Variants in ZNF341 observed in about 807,000 individuals in gnomAD.
ZNF341 encodes zinc finger protein 341.
Under a neutral mutation model 87.7 loss-of-function variants are expected in ZNF341, and 52 were observed. The observed-to-expected ratio is 0.59, with a 90% CI of 0.47 to 0.75. ZNF341 has a LOEUF of 0.75. Ranked by LOEUF, ZNF341 falls within the 30% of genes least tolerant of loss-of-function variation. ZNF341 has a pLI of 0.00. For synonymous variants in ZNF341, 459 were observed against 472.7 expected (o/e 0.97, Z 0.38); for missense variants, 977 against 1,145.9 (o/e 0.85, Z 2.13).
At chr20:33,755,099 C>G (rs781015016) in intron 5 of ZNF341, among the ~76,000 whole-genome samples, 1 of 152,066 alleles carries the variant, frequency 6.6e-6, no homozygotes, top group East Asian at 1.9e-4. Flanking sequence ...TGAGCTACCA[C>G]GCCCAACTAA....
At chr20:33,760,540 A>T (rs183684272) in intron 7 of ZNF341, among the ~76,000 whole-genome samples, 10 of 151,906 alleles carry the variant, frequency 6.6e-5, no homozygotes, top group Non-Finnish European at 8.8e-5. Flanking sequence ...ATTTTAATGA[A>T]TTTAATTTTT....
intron 14 of ZNF341, 79 bp downstream of exon 14, chr20:33,789,667 G>A (rs2019956238): frequency 2.0e-6 from 3 of 1,486,022 alleles, no homozygotes; most frequent in African/African-American, 1.4e-5. Flanking sequence ...AAGAGAAAGA[G>A]CAGACATATC....
rs1026953389 is a variant in ZNF341 at position 33,758,755 on chromosome 20, A to G, written c.977A>G (p.Tyr326Cys). Residue 326 changes from tyrosine (Y) to cysteine (C), a missense_variant, in exon 7 of 15, where the codon TAC becomes TGC. Tyr to Cys is a radical substitution (Grantham distance 194, BLOSUM62 -2). This residue lies in a region of ZNF341 where 515 missense variants were observed against 598.2 expected (regional missense o/e 0.86). Transcript: ENST00000375200. Reference sequence around the variant, plus strand: ...AAGGCTCAGAAACTCAAGTGCTCATACTGTGACAAGTCATTCACCAAAAAC... The same window carrying G: ...AAGGCTCAGAAACTCAAGTGCTCATGCTGTGACAAGTCATTCACCAAAAAC... ...KPKAQKLKCS[Y>C]CDKSFTKNFD... 7 of 1,613,864 alleles carry G rather than the reference A, an allele frequency of 4.3e-6. No homozygotes were observed. The Admixed American group carries it at 1.2e-4, about 27-fold the overall frequency.
intron 8 of ZNF341, among the ~76,000 whole-genome samples, chr20:33,764,216 A>G (rs1221500961): frequency 6.7e-6 from 1 of 148,594 alleles, no homozygotes; most frequent in Non-Finnish European, 1.5e-5. Context: ...TTAGTAGAGA[A>G]CGGTGTTTCA....
intron 6 of ZNF341, among the ~76,000 whole-genome samples, chr20:33,758,151 G>A (rs1285663026): frequency 6.6e-6 from 1 of 152,124 alleles, no homozygotes; most frequent in Non-Finnish European, 1.5e-5. Flanking sequence ...GACAGACAGG[G>A]AATAAATAAA....
At chr20:33,739,260 G>A (rs764211046) in intron 1 of ZNF341, among the ~76,000 whole-genome samples, 2 of 152,210 alleles carry the variant, frequency 1.3e-5, no homozygotes, top group Admixed American at 6.5e-5. Flanking sequence ...GAGCCACCAT[G>A]CCCGGCCAGA....
chr20:33,753,873 G>T (rs1283656906), intron 5 of ZNF341, among the ~76,000 whole-genome samples: 1 of 152,180 alleles, frequency 6.6e-6, no homozygotes, highest in Non-Finnish European at 1.5e-5. Context: ...TTATTCACGT[G>T]TTTACAGTGG....
chr20:33,761,723 G>A, intron 7 of ZNF341, 139 bp from the exon 8 acceptor site: 2 of 672,082 alleles, frequency 3.0e-6, no homozygotes, highest in Non-Finnish European at 4.6e-6. Context: ...CTCAGCGAAG[G>A]GGCTTGTCGC....
chr20:33,758,644 G>T, intron 6 of ZNF341, 72 bp from the exon 7 acceptor site: 1 of 1,237,934 alleles, frequency 8.1e-7, no homozygotes, highest in Non-Finnish European at 1.2e-6. Flanking sequence ...AGATACAGTA[G>T]TCAGAGGCTG....
intron 10 of ZNF341, among the ~76,000 whole-genome samples, chr20:33,777,278 G>A (rs1180168343): frequency 1.5e-5 from 2 of 129,948 alleles, no homozygotes; most frequent in Admixed American, 9.2e-5. Flanking sequence ...AGCTGAGATC[G>A]CACCACTGCA....
intron 1 of ZNF341, among the ~76,000 whole-genome samples, chr20:33,735,280 C>G (rs1439443503): frequency 6.6e-6 from 1 of 152,196 alleles, no homozygotes; most frequent in South Asian, 2.1e-4. Flanking sequence ...ATCTGCCCGC[C>G]TTGGCCTCCA....
At position 33,750,083 on chromosome 20, in the gene ZNF341, T is replaced by C. The variant is rs1035411705; in HGVS notation, c.489+1011T>C. ...ATTCTTAACAAGTGTCCCATGTCTA[T>C]TAGAAAAATAGAAAATGCACAGTAG... On this transcript the variant is annotated intron_variant, in intron 4 of 14. Transcript: ENST00000375200. Among the ~76,000 whole-genome samples the C allele has an allele frequency of 1.4e-4, 22 of 152,246 alleles. No individual in the cohort carries two copies. In the Middle Eastern group the frequency reaches 0.014, roughly 94 times the overall value.
At chr20:33,747,627 AAAAAAAAAAAAAAAAC>A (rs1307874942) in intron 3 of ZNF341, among the ~76,000 whole-genome samples, 4 of 132,770 alleles carry the variant, frequency 3.0e-5, no homozygotes, top group Non-Finnish European at 6.0e-5. Flanking sequence ...AAAAAAAAAA[AAAAAAAAAAAAAAAAC>A]ACAGTCATTT....
At chr20:33,733,107 C>T (rs2018609851) in intron 1 of ZNF341, among the ~76,000 whole-genome samples, 1 of 151,080 alleles carries the variant, frequency 6.6e-6, no homozygotes, top group Non-Finnish European at 1.5e-5. Context: ...AGTGCAGTGG[C>T]GCGATCTCGG....
At chr20:33,735,827 C>T (rs2018670827) in intron 1 of ZNF341, among the ~76,000 whole-genome samples, 1 of 152,004 alleles carries the variant, frequency 6.6e-6, no homozygotes, top group South Asian at 2.1e-4. Context: ...CACCCTAAAT[C>T]CTCCCCTTCT....
rs150279236 is a variant in ZNF341, at chr20:33,757,243, C to T, written c.837C>T (p.Ala279=). 304 of 1,605,646 alleles carry T rather than the reference C, an allele frequency of 1.9e-4. 1 individual carries two copies. In the African/African-American group the frequency reaches 3.7e-3, roughly 19 times the overall value. ...TCAAACCCAAAGGACCAAACCCCGC[C>T]GCCCCCATGACCAGCGCCACCGGGG... The part of the protein sequence containing the change: ...QGFKPKGPNP[A]APMTSATGGT... The change falls in exon 6 of 15, where the codon GCC becomes GCT. Residue 279 remains alanine (A), a synonymous_variant. Transcript: ENST00000375200.
chr20:33,778,709 TC>T (rs1157827024), intron 10 of ZNF341, among the ~76,000 whole-genome samples: 1 of 152,228 alleles, frequency 6.6e-6, no homozygotes, highest in Non-Finnish European at 1.5e-5. Context: ...GCCTGGGGTT[TC>T]CCACAGGCAG....
At chr20:33,790,449 A>G (rs1310543136) in intron 14 of ZNF341, among the ~76,000 whole-genome samples, 1 of 152,098 alleles carries the variant, frequency 6.6e-6, no homozygotes, top group East Asian at 1.9e-4. Context: ...CCTGGCTTCT[A>G]TCTACTGGTG....
At chr20:33,746,228 CTTTTTTTTTTTT>C (rs34461652) in intron 3 of ZNF341, among the ~76,000 whole-genome samples, 2 of 104,112 alleles carry the variant, frequency 1.9e-5, no homozygotes, top group African/African-American at 4.8e-5. Flanking sequence ...CGCGCCCGGC[CTTTTTTTTTTTT>C]TTTTTTTTTT....
Sources: allele counts gnomAD v4.1 joint callset (sites outside exome capture counted in the v4.1 genomes callset), GRCh38; gene constraint gnomAD v4.1.1; regional missense constraint gnomAD v4.1.1; transcripts MANE v1.5; gene names NCBI Gene and HGNC (gene_info 2026-07-23, HGNC 2026-07-21).